DAB1: variants seen among roughly 807,000 people sequenced by gnomAD.
DAB1 encodes the protein disabled homolog 1.
In DAB1, 15 loss-of-function variants were observed where a neutral mutation model predicts 64.6. The observed-to-expected ratio is 0.23, with a 90% confidence interval of 0.16 to 0.36. The LOEUF is 0.36. Among genes scored for constraint, DAB1 ranks in the 10% least tolerant of loss-of-function variants. The pLI, the probability that DAB1 is intolerant of heterozygous loss-of-function variation, is 1.00. For missense variants in DAB1, 596 were observed against 706.7 expected, an observed-to-expected ratio of 0.84 and a Z score of 1.78; for synonymous variants, 235 against 251.9, an observed-to-expected ratio of 0.93 and a Z score of 0.64.
chr1:58,505,463 G>A (rs943220512), intron 3 of DAB1, among the ~76,000 whole-genome samples: 1 of 152,070 alleles, frequency 6.6e-6, no homozygotes, highest in Non-Finnish European at 1.5e-5. Flanking sequence ...CAAATCAAAA[G>A]ATTTTCAGAG....
intron 4 of DAB1, among the ~76,000 whole-genome samples, chr1:58,167,790 G>A (rs1404113091): frequency 1.3e-5 from 2 of 152,118 alleles, no homozygotes; most frequent in African/African-American, 2.4e-5. Flanking sequence ...TAACACTCAC[G>A]GCAAAGGTCT....
chr1:57,846,795 C>T (rs72666111), intron 1 of DAB1, among the ~76,000 whole-genome samples: 10,963 of 152,168 alleles, frequency 0.072, 632 homozygotes, highest in Admixed American at 0.21. Context: ...AGTAAGAGAA[C>T]GAAACACATA....
At chr1:57,885,644 C>T (rs1040960469), upstream of DAB1, among the ~76,000 whole-genome samples, 3 of 152,016 alleles carry the variant, frequency 2.0e-5, no homozygotes, top group African/African-American at 7.2e-5. Context: ...TTTTTCCACC[C>T]CTTTCACTAG....
intron 5 of DAB1, among the ~76,000 whole-genome samples, chr1:58,025,176 T>C (rs547208344): frequency 3.3e-5 from 5 of 152,008 alleles, no homozygotes; most frequent in African/African-American, 9.6e-5. Context: ...TATACATCTC[T>C]AGCAACATAA....
At chr1:57,667,637 G>A (rs762202830) in intron 6 of DAB1, among the ~76,000 whole-genome samples, 6 of 151,996 alleles carry the variant, frequency 3.9e-5, no homozygotes, top group African/African-American at 7.3e-5. Flanking sequence ...GTAGCCACTA[G>A]CTACATACGA....
At chr1:57,961,291 C>T (rs1645515224) in intron 5 of DAB1, among the ~76,000 whole-genome samples, 1 of 152,086 alleles carries the variant, frequency 6.6e-6, no homozygotes, top group African/African-American at 2.4e-5. Context: ...AATATGTGTA[C>T]ATTTACAATA....
intron 3 of DAB1, among the ~76,000 whole-genome samples, chr1:58,451,809 G>A (rs1364536947): frequency 6.6e-6 from 1 of 151,858 alleles, no homozygotes; most frequent in Non-Finnish European, 1.5e-5. Context: ...AGTTAAGACT[G>A]GAAGAAAATA....
chr1:58,163,869 A>C (rs1655678527), intron 4 of DAB1, among the ~76,000 whole-genome samples: 1 of 152,170 alleles, frequency 6.6e-6, no homozygotes, highest in South Asian at 2.1e-4. Context: ...GAGAACATGC[A>C]CATAGCTCAC....
intron 1 of DAB1, among the ~76,000 whole-genome samples, chr1:57,420,231 T>C (rs1684795973): frequency 6.6e-6 from 1 of 152,168 alleles, no homozygotes; most frequent in Admixed American, 6.5e-5. Context: ...CATTAAATTT[T>C]ACACCCTGGG....
intron 1 of DAB1, among the ~76,000 whole-genome samples, chr1:57,395,014 TAA>T (rs1420835615): frequency 2.6e-5 from 4 of 152,138 alleles, no homozygotes; most frequent in African/African-American, 9.7e-5. Context: ...AAACAATTAC[TAA>T]TATATATGTT....
At chr1:58,482,848 G>A (rs1000072592) in intron 3 of DAB1, among the ~76,000 whole-genome samples, 6 of 152,054 alleles carry the variant, frequency 3.9e-5, no homozygotes, top group Non-Finnish European at 7.4e-5. Flanking sequence ...CAGGGTGGAG[G>A]GCAGGAGCAG....
At chr1:57,386,739 C>CGT (rs56161534) in intron 1 of DAB1, 13,407 of 150,052 alleles carry the variant, frequency 0.089, 743 homozygotes, top group South Asian at 0.26. Context: ...TGTGCGTGTG[C>CGT]GTGTGTGTGT....
In DAB1 at chr1:57,849,772, G is replaced by A. The variant is rs372772313; in HGVS notation, n.88-23317C>T. On this transcript the variant is annotated intron_variant and non_coding_transcript_variant, in intron 1 of 1. Transcript: ENST00000477280. ...CCAGCAATGCCCAGAATTAACATCT[G>A]AACACATTTTGGCTTTTTTCCTGAC... 1.7e-4 allele frequency among the ~76,000 whole-genome samples: 26 copies of A among 152,204 alleles called. No individual in the cohort carries two copies. In the East Asian group the frequency reaches 2.3e-3, roughly 13 times the overall value.
intron 5 of DAB1, among the ~76,000 whole-genome samples, chr1:57,973,425 T>C (rs1420402692): frequency 2.0e-5 from 3 of 152,222 alleles, no homozygotes; most frequent in Non-Finnish European, 1.5e-5. Flanking sequence ...ACCAGATTTG[T>C]GGCAATTTGT....
intron 6 of DAB1, among the ~76,000 whole-genome samples, chr1:57,806,784 G>A (rs765855496): frequency 7.2e-5 from 11 of 152,028 alleles, no homozygotes; most frequent in Non-Finnish European, 1.2e-4. Context: ...CATTCTTTGG[G>A]TACTTTACCA....
At chr1:57,825,211 AG>A (rs144990436), downstream of DAB1, among the ~76,000 whole-genome samples, 2,735 of 152,316 alleles carry the variant, frequency 0.018, 95 homozygotes, top group African/African-American at 0.064. Flanking sequence ...GTCAGAGTTT[AG>A]GGCCCCTAGC....
chr1:57,509,402 A>G (rs1268866076), intron 7 of DAB1, among the ~76,000 whole-genome samples: 1 of 152,172 alleles, frequency 6.6e-6, no homozygotes, highest in Non-Finnish European at 1.5e-5. Context: ...AATGTGGCTG[A>G]AAAGAAGCCA....
At chr1:58,441,925 TCA>T (rs1288453455) in intron 3 of DAB1, among the ~76,000 whole-genome samples, 1 of 152,104 alleles carries the variant, frequency 6.6e-6, no homozygotes, top group Non-Finnish European at 1.5e-5. Context: ...GGGCATCCTG[TCA>T]CACGAAAGAG....
chr1:57,995,297 C>G (rs1646407442), intron 5 of DAB1, among the ~76,000 whole-genome samples: 1 of 152,186 alleles, frequency 6.6e-6, no homozygotes, highest in Admixed American at 6.5e-5. Context: ...GAATTCATAG[C>G]AGCTGTGCAT....
Sources: allele counts gnomAD v4.1 joint callset (sites outside exome capture counted in the v4.1 genomes callset), GRCh38; gene constraint gnomAD v4.1.1; transcripts MANE v1.5; gene names NCBI Gene and HGNC (gene_info 2026-07-23, HGNC 2026-07-21).